SMG6: variants seen among roughly 807,000 people sequenced by gnomAD.
SMG6 encodes telomerase-binding protein EST1A.
SMG6 carries 66 observed loss-of-function variants against 142.2 expected under a neutral mutation model. That is an observed-to-expected ratio of 0.46 (90% CI 0.38 to 0.57). The LOEUF (loss-of-function observed/expected upper bound fraction) is 0.57. Among genes scored for constraint, SMG6 ranks in the 20% least tolerant of loss-of-function variants. The pLI is 0.00. For synonymous variants in SMG6, 779 were observed against 702.4 expected (o/e 1.11, Z -1.72); for missense variants, 1,793 against 1,832.0 (o/e 0.98, Z 0.39).
At chr17:2,190,033 G>A (rs745610191) in intron 10 of SMG6, among the ~76,000 whole-genome samples, 3 of 152,138 alleles carry the variant, frequency 2.0e-5, no homozygotes, top group Non-Finnish European at 4.4e-5. Context: ...CTGTTACAAA[G>A]AAAACAAGCA....
At chr17:2,129,546 C>CA (rs901790143) in intron 13 of SMG6, among the ~76,000 whole-genome samples, 1 of 151,956 alleles carries the variant, frequency 6.6e-6, no homozygotes, top group African/African-American at 2.4e-5. Flanking sequence ...GTAATCCCAG[C>CA]ACTTCGCGAG....
rs2068434079 is a variant in SMG6 at position 2,081,861 on chromosome 17, C to G, written c.3630G>C (p.Leu1210=). The G allele has an allele frequency of 6.2e-7, 1 of 1,613,964 alleles. No individual in the cohort carries two copies. The change falls in exon 15 of 19, where the codon CTG becomes CTC. Residue 1210 remains leucine, a synonymous_variant. Coordinates refer to ENST00000263073, the MANE Select transcript of SMG6 (RefSeq NM_017575.5). The stretch of plus-strand genomic sequence containing the variant: ...GCTCAGCTATCTTCCTGGCCAGAGC[C>G]AGCTTCTTGGCCCGAAGCTCCCTGA... The part of the protein sequence containing the change: ...DDIRELRAKK[L]ALARKIAEQQ...
chr17:2,242,529 C>CA lies in SMG6; in HGVS notation c.2723+2128dup, dbSNP rs577271256. ...TGGGCGACAGAGCGAGACTTCGTCT[C>CA]AAAAAAAAAAGATAAATAAGCCATC... is the stretch of plus-strand genomic sequence containing the variant. On this transcript the variant is annotated intron_variant, in intron 9 of 18. Transcript: ENST00000263073. 2.5e-3 allele frequency among the ~76,000 whole-genome samples: 357 copies of CA among 143,680 alleles called. 6 individuals are homozygous for CA. In the South Asian group the frequency reaches 0.029, roughly 12 times the overall value. 94.3% of individuals were successfully genotyped at this position (143,680 alleles called of 152,430 possible). A position where few individuals can be genotyped will look rare whatever the true frequency, so the allele number is the denominator to read the frequency against.
At chr17:2,257,603 A>C (rs1302674362) in intron 8 of SMG6, among the ~76,000 whole-genome samples, 1 of 152,166 alleles carries the variant, frequency 6.6e-6, no homozygotes, top group Non-Finnish European at 1.5e-5. Flanking sequence ...AATGGCCTAC[A>C]AAAGACCTAT....
chr17:2,103,710 C>T (rs72815304), intron 13 of SMG6, among the ~76,000 whole-genome samples: 42,263 of 152,110 alleles, frequency 0.28, 7,602 homozygotes, highest in Admixed American at 0.38. Context: ...TGACCACCTC[C>T]AACACCCTGT....
At chr17:2,282,918 C>T (rs1377026101) in intron 7 of SMG6, 59 bp from the exon 8 acceptor site, 10 of 1,558,872 alleles carry the variant, frequency 6.4e-6, no homozygotes, top group African/African-American at 1.4e-5. Context: ...CGCCTGTAAT[C>T]CCAGCACTTA....
chr17:2,258,034 A>C (rs868667873), intron 8 of SMG6, among the ~76,000 whole-genome samples: 1 of 108,240 alleles, frequency 9.2e-6, no homozygotes, highest in South Asian at 2.9e-4. Context: ...AAAAAAAAAA[A>C]ATATACACAC....
intron 13 of SMG6, among the ~76,000 whole-genome samples, chr17:2,168,640 C>T (rs1312263383): frequency 1.3e-5 from 2 of 152,094 alleles, no homozygotes; most frequent in African/African-American, 4.8e-5. Context: ...CCTATAATCC[C>T]AGCACTTTAG....
rs2068011911 is a variant in SMG6 at position 2,068,626 on chromosome 17, T to A, written c.3835+152A>T. ...GAACTACTTTGATTATTAAACAGTT[T>A]TCTTTGCCCCACGCGTTCCCTACTC... is the stretch of plus-strand genomic sequence containing the variant. On this transcript the variant is annotated intron_variant, in intron 16 of 18. Coordinates refer to ENST00000263073, the MANE Select transcript of SMG6 (RefSeq NM_017575.5). The surrounding 1 kb of genome is among the most constrained non-coding windows in gnomAD (Gnocchi z 6.7). 2 of 729,978 alleles carry A rather than the reference T, an allele frequency of 2.7e-6. No homozygotes were observed. Among genetic ancestry groups the A allele is most frequent in the South Asian group, 1.9e-5 (1 of 52,676 alleles). The allele number at this position is 729,978 out of a possible 1,614,324, so 45.2% of individuals were successfully genotyped here. A position where few individuals can be genotyped will look rare whatever the true frequency, so the allele number is the denominator to read the frequency against.
chr17:2,173,077 G>C (rs2071554885), intron 12 of SMG6: 1 of 570,690 alleles, frequency 1.8e-6, no homozygotes, highest in African/African-American at 1.9e-5. Context: ...AAATTGATTA[G>C]GGGGAGTTTT....
chr17:2,174,056 T>TA (rs1052220671), intron 12 of SMG6, among the ~76,000 whole-genome samples: 1 of 152,218 alleles, frequency 6.6e-6, no homozygotes, highest in African/African-American at 2.4e-5. Context: ...GCTTCACAAT[T>TA]AGATTCATGA....
Position 2,085,163 on chromosome 17 carries a change from GACAC to G in SMG6, c.3534+558_3534+561del, listed in dbSNP as rs749338637. 6.6e-6 allele frequency among the ~76,000 whole-genome samples: 1 copy of G among 151,642 alleles called. No homozygotes were observed. The highest frequency in any genetic ancestry group is 2.4e-5 in the African/African-American group (1 of 41,242). Reference sequence around the variant, plus strand: ...ACACAGACGCGCACACACACACACAGACACACACACACGAGTCTGGAGTGAAGCA... The same window carrying G: ...ACACAGACGCGCACACACACACACAGACACACACGAGTCTGGAGTGAAGCA... On this transcript the variant is annotated intron_variant, in intron 14 of 18. Transcript: ENST00000263073. The surrounding 1 kb of genome is among the most constrained non-coding windows in gnomAD (Gnocchi z 4.1).
intron 10 of SMG6, among the ~76,000 whole-genome samples, chr17:2,192,197 C>T (rs1054248044): frequency 3.3e-5 from 5 of 152,192 alleles, no homozygotes; most frequent in Non-Finnish European, 5.9e-5. Context: ...CCCTCTAAGC[C>T]GAGCCAAGGG....
At chr17:2,219,340 G>A (rs368313759) in intron 10 of SMG6, among the ~76,000 whole-genome samples, 41 of 152,242 alleles carry the variant, frequency 2.7e-4, no homozygotes, top group South Asian at 1.2e-3. Flanking sequence ...AGCCGAGATC[G>A]CGCCAACACA....
At chr17:2,099,228 GTGC>G (rs1226570549) in intron 13 of SMG6, among the ~76,000 whole-genome samples, 1 of 151,976 alleles carries the variant, frequency 6.6e-6, no homozygotes, top group Non-Finnish European at 1.5e-5. Context: ...CCCCGAAGCT[GTGC>G]AACACAGACA....
chr17:2,061,833 A>T, intron 18 of SMG6: 1 of 548,058 alleles, frequency 1.8e-6, no homozygotes, highest in Non-Finnish European at 3.3e-6. Flanking sequence ...TTCTGCCTTG[A>T]CTCCGGCCTC....
intron 13 of SMG6, among the ~76,000 whole-genome samples, chr17:2,108,622 CTCTG>C (rs2151488283): frequency 6.6e-6 from 1 of 150,784 alleles, no homozygotes; most frequent in East Asian, 2.0e-4. Context: ...CAAAGCGAGA[CTCTG>C]TCTCAGATAA....
chr17:2,166,073 G>A (rs1005686769), intron 13 of SMG6, among the ~76,000 whole-genome samples: 4 of 152,102 alleles, frequency 2.6e-5, no homozygotes, highest in South Asian at 2.1e-4. Flanking sequence ...TTAACTGGGC[G>A]TGGTGGCAGG....
chr17:2,292,214 A>T (rs968426480), intron 6 of SMG6, among the ~76,000 whole-genome samples: 8 of 152,226 alleles, frequency 5.3e-5, no homozygotes, highest in African/African-American at 1.9e-4. Context: ...TTCGTCTAGA[A>T]TGAGTTGCCT....
Sources: gnomAD v4.1 joint callset for allele counts (sites outside exome capture counted in the v4.1 genomes callset) on GRCh38, gnomAD v4.1.1 for gene constraint, Gnocchi (gnomAD v3.1) non-coding constraint, MANE v1.5 for transcripts, NCBI Gene and HGNC (gene_info 2026-07-23, HGNC 2026-07-21) for gene names.